The following ADGRV1 variants were observed in gnomAD, a reference collection of about 807,000 sequenced individuals.
ADGRV1 encodes adhesion G protein-coupled receptor V1, also known as G-protein coupled receptor 98.
A neutral mutation model predicts 596.2 loss-of-function variants in ADGRV1; 359 were observed. The ratio of observed to expected loss-of-function variants is 0.60; its 90% CI spans 0.55 to 0.66. ADGRV1 has a LOEUF of 0.66. ADGRV1 is among the 30% of genes least tolerant of loss of function. ADGRV1 has a pLI of 0.00. For missense variants in ADGRV1, 7,274 were observed against 7,575.6 expected (o/e 0.96, Z 1.48); for synonymous variants, 2,681 against 2,679.2 (o/e 1.00, Z -0.02).
At chr5:90,927,201 G>A (rs566774087) in intron 83 of ADGRV1, among the ~76,000 whole-genome samples, 75 of 150,644 alleles carry the variant, frequency 5.0e-4, no homozygotes, top group Middle Eastern at 3.4e-3. Context: ...TTGACTTTCT[G>A]TCTCGTTGAT....
intron 85 of ADGRV1, among the ~76,000 whole-genome samples, chr5:91,069,112 G>A (rs916369681): frequency 3.9e-5 from 6 of 152,036 alleles, no homozygotes; most frequent in Non-Finnish European, 8.8e-5. Context: ...AAATTGGACC[G>A]TTCCTTACAC....
At chr5:90,601,941 C>T (rs1761461513) in intron 1 of ADGRV1, among the ~76,000 whole-genome samples, 1 of 152,134 alleles carries the variant, frequency 6.6e-6, no homozygotes, top group South Asian at 2.1e-4. Flanking sequence ...GGTATACAGG[C>T]ATCACTACAG....
intron 87 of ADGRV1, among the ~76,000 whole-genome samples, chr5:91,136,700 A>G (rs945059082): frequency 1.3e-5 from 2 of 152,250 alleles, no homozygotes; most frequent in Admixed American, 6.5e-5. Context: ...CCTATTTCCC[A>G]GATTTAAAAA....
intron 84 of ADGRV1, among the ~76,000 whole-genome samples, chr5:90,982,080 C>G (rs1780121635): frequency 6.6e-6 from 1 of 152,002 alleles, no homozygotes; most frequent in African/African-American, 2.4e-5. Context: ...AGAGCAAGAC[C>G]TTGTCTCTAA....
At chr5:90,894,626 C>T (rs1771127912) in intron 83 of ADGRV1, among the ~76,000 whole-genome samples, 1 of 152,196 alleles carries the variant, frequency 6.6e-6, no homozygotes. Flanking sequence ...CTCTGCAAGG[C>T]AGCACAGTGA....
At chr5:90,789,953 A>T in intron 69 of ADGRV1, 102 bp downstream of exon 69, 1 of 827,640 alleles carries the variant, frequency 1.2e-6, no homozygotes, top group Non-Finnish European at 1.7e-6. Flanking sequence ...AGTTTTTGAT[A>T]AACTAAAGTT....
chr5:90,610,779 A>G (rs146621617), intron 1 of ADGRV1, among the ~76,000 whole-genome samples: 122 of 152,146 alleles, frequency 8.0e-4, no homozygotes, highest in African/African-American at 2.9e-3. Context: ...GCTAGAGCAC[A>G]AAACGTAATT....
rs112246453 is a variant in ADGRV1 at position 90,652,698 on chromosome 5, A to G, written c.3634+135A>G. 2.3e-5 allele frequency: 14 copies of G among 599,890 alleles called. 1 individual carries two copies. Among genetic ancestry groups the G allele is most frequent in the African/African-American group, 1.9e-4 (10 of 53,496 alleles). The allele number at this position is 599,890 out of a possible 1,614,324, so 37.2% of individuals were successfully genotyped here. On this transcript the variant is annotated intron_variant, in intron 19 of 89. Coordinates refer to ENST00000405460, the MANE Select transcript of ADGRV1 (RefSeq NM_032119.4). The stretch of plus-strand genomic sequence containing the variant: ...TTTGTGTCATGACTATCTGATTTTA[A>G]ATGTTAAAATACCCTTCTTGTTTCA...
intron 83 of ADGRV1, among the ~76,000 whole-genome samples, chr5:90,921,802 T>G (rs866287461): frequency 0.012 from 1,844 of 150,950 alleles, 42 homozygotes; most frequent in African/African-American, 0.042. Flanking sequence ...TCTTGTTTTT[T>G]TTTTTTTTTT....
Position 90,664,186 on chromosome 5 carries a change from C to T in ADGRV1, c.4752+5908C>T, listed in dbSNP as rs1215487425. On this transcript the variant is annotated intron_variant, in intron 21 of 89. Transcript: ENST00000405460. ...TAGCTTGATGGGGATGGCATTGAAT[C>T]TGTAAATTACCTTGGGCAGTATGGC... 3.4e-5 allele frequency among the ~76,000 whole-genome samples: 5 copies of T among 148,424 alleles called. 1 individual carries two copies. The South Asian group carries it at 1.1e-3, about 33-fold the overall frequency.
chr5:90,701,589 C>T (rs750849763), intron 34 of ADGRV1, among the ~76,000 whole-genome samples: 11 of 151,384 alleles, frequency 7.3e-5, no homozygotes, highest in East Asian at 1.9e-4. Context: ...CGTGTGTGTG[C>T]GCATGTGTTT....
intron 75 of ADGRV1, 87 bp downstream of exon 75, chr5:90,815,823 G>C: frequency 1.3e-6 from 1 of 784,018 alleles, no homozygotes. Context: ...TGGAGGGCAG[G>C]GTAAGATAGA....
chr5:90,720,263 A>G lies in ADGRV1; in HGVS notation c.9623+40A>G, dbSNP rs535755253. 6.3e-5 allele frequency: 78 copies of G among 1,229,556 alleles called. 1 individual carries two copies. In the South Asian group the frequency reaches 1.2e-3, roughly 18 times the overall value. The allele number at this position is 1,229,556 out of a possible 1,614,324, so 76.2% of individuals were successfully genotyped here. A position where few individuals can be genotyped will look rare whatever the true frequency, so the allele number is the denominator to read the frequency against. On this transcript the variant is annotated intron_variant, in intron 44 of 89. Transcript: ENST00000405460. Reference sequence around the variant, plus strand: ...TAAGGAAATTATCACTTCTGAAGCTATAAGTAGGGAATATTTTTTGACATA... The same window carrying G: ...TAAGGAAATTATCACTTCTGAAGCTGTAAGTAGGGAATATTTTTTGACATA...
At chr5:90,983,045 A>T (rs1383877209) in intron 84 of ADGRV1, among the ~76,000 whole-genome samples, 3 of 152,242 alleles carry the variant, frequency 2.0e-5, no homozygotes, top group African/African-American at 7.2e-5. Context: ...TCTAGTCCAT[A>T]GCTTTAAAAA....
intron 21 of ADGRV1, among the ~76,000 whole-genome samples, chr5:90,667,458 C>G (rs1012203605): frequency 6.8e-6 from 1 of 147,604 alleles, no homozygotes; most frequent in African/African-American, 2.5e-5. Flanking sequence ...GTTTTCAGCT[C>G]CATCAGCTCC....
At chr5:90,808,009 CCT>C (rs1311896256) in intron 73 of ADGRV1, among the ~76,000 whole-genome samples, 1 of 151,728 alleles carries the variant, frequency 6.6e-6, no homozygotes, top group Non-Finnish European at 1.5e-5. Context: ...TGGCAGTTCT[CCT>C]CTTGTTAAAG....
At chr5:90,961,862 T>TA (rs1778061480) in intron 83 of ADGRV1, among the ~76,000 whole-genome samples, 1 of 152,182 alleles carries the variant, frequency 6.6e-6, no homozygotes, top group Non-Finnish European at 1.5e-5. Flanking sequence ...ATATGTTATA[T>TA]AAAAATGGAA....
intron 67 of ADGRV1, among the ~76,000 whole-genome samples, chr5:90,784,574 G>C (rs1244257548): frequency 1.3e-5 from 2 of 152,132 alleles, no homozygotes; most frequent in African/African-American, 4.8e-5. Context: ...AGAAGGGTGA[G>C]CATTTGGGCA....
chr5:90,811,281 A>G lies in ADGRV1; in HGVS notation c.16021A>G (p.Ile5341Val). Residue 5341 changes from isoleucine to valine, a missense_variant, in exon 74 of 90, where the codon ATT becomes GTT. Ile to Val is a conservative substitution (Grantham distance 29). Around this residue, in one of 5 missense-constraint regions of ADGRV1, gnomAD observed 1,874 missense variants for 1,970.2 expected, o/e 0.95. Coordinates refer to ENST00000405460, the MANE Select transcript of ADGRV1 (RefSeq NM_032119.4). ...CACAAACCCTCAAGGGGGAGCACAGATTGTGGAGGAGAAGGATGATACTGG... is the reference window on the plus strand; with the variant it reads ...CACAAACCCTCAAGGGGGAGCACAGGTTGTGGAGGAGAAGGATGATACTGG... ...FLTNPQGGAQ[I>V]VEEKDDTGFA... 1 of 1,612,946 alleles carries G rather than the reference A, an allele frequency of 6.2e-7. No individual in the cohort carries two copies. Among genetic ancestry groups the G allele is most frequent in the Non-Finnish European group, 8.5e-7 (1 of 1,179,428 alleles).
Sources: gnomAD v4.1 joint callset for allele counts (sites outside exome capture counted in the v4.1 genomes callset) on GRCh38, gnomAD v4.1.1 for gene constraint, gnomAD v4.1.1 regional missense constraint, MANE v1.5 for transcripts, NCBI Gene and HGNC (gene_info 2026-07-23, HGNC 2026-07-21) for gene names.